Variants in SIGLEC5 observed in about 807,000 individuals in gnomAD.
The protein encoded by SIGLEC5 is sialic acid binding Ig like lectin 5.
Under a neutral mutation model 45.9 loss-of-function variants are expected in SIGLEC5, and 34 were observed. That is an observed-to-expected ratio of 0.74 (90% confidence interval 0.56 to 0.99). SIGLEC5 has a LOEUF of 0.99. Among genes scored for constraint, SIGLEC5 ranks in the 50% least tolerant of loss-of-function variants. SIGLEC5 has a pLI of 0.00. For synonymous variants in SIGLEC5, 203 were observed against 258.6 expected (o/e 0.79, Z 2.06); for missense variants, 508 against 629.6 (o/e 0.81, Z 2.07).
At chr19:51,628,695 GTGTA>G (rs1444280291) in intron 4 of SIGLEC5, among the ~76,000 whole-genome samples, 1 of 149,176 alleles carries the variant, frequency 6.7e-6, no homozygotes, top group Admixed American at 6.7e-5. Context: ...TGCCTGTGTG[GTGTA>G]TGTGTGTGTG....
At chr19:51,618,987 G>A (rs556772296) in intron 8 of SIGLEC5, among the ~76,000 whole-genome samples, 1 of 152,176 alleles carries the variant, frequency 6.6e-6, no homozygotes, top group Non-Finnish European at 1.5e-5. Flanking sequence ...CATAATGTAA[G>A]ATTTCAACAC....
At chr19:51,628,173 A>G (rs752690695) in intron 4 of SIGLEC5, 82 bp from the exon 5 acceptor site, 229 of 1,418,350 alleles carry the variant, frequency 1.6e-4, no homozygotes, top group Non-Finnish European at 2.0e-4. Context: ...CCCAGGATCC[A>G]GATGACATCT....
chr19:51,624,214 C>T (rs1260016491), intron 8 of SIGLEC5, among the ~76,000 whole-genome samples: 1 of 152,172 alleles, frequency 6.6e-6, no homozygotes, highest in Non-Finnish European at 1.5e-5. Context: ...CTTTATACAA[C>T]ATGAATGAAT....
At chr19:51,625,808 T>C (rs1331086158) in intron 8 of SIGLEC5, among the ~76,000 whole-genome samples, 2 of 152,006 alleles carry the variant, frequency 1.3e-5, no homozygotes, top group East Asian at 1.9e-4. Flanking sequence ...CCAGCCTGGG[T>C]AACAAGAGTG....
chr19:51,627,776 G>T, intron 5 of SIGLEC5, 30 bp from the exon 6 acceptor site: 1 of 1,568,584 alleles, frequency 6.4e-7, no homozygotes, highest in Non-Finnish European at 8.7e-7. Context: ...AACTCAGCAG[G>T]GGGCCTCTTC....
At chr19:51,627,399 C>G (rs1056530276) in intron 6 of SIGLEC5, 63 bp downstream of exon 6, 44 of 1,561,444 alleles carry the variant, frequency 2.8e-5, no homozygotes, top group African/African-American at 4.1e-5. Context: ...CTCCCACCAT[C>G]CATCACTCTG....
At position 51,612,291 on chromosome 19, in the gene SIGLEC5, C is replaced by T; in HGVS notation, c.1596G>A (p.Glu532=). Residue 532 remains glutamate (E), a synonymous_variant, in exon 9 of 9, where the codon GAG becomes GAA. Coordinates refer to ENST00000683636, the MANE Select transcript of SIGLEC5 (RefSeq NM_003830.4). ...TGCTTGGGGCCTCCTGGTCCTTAGGCTCCCTCGACTTCATCTCAGAAAAAC... is the reference window on the plus strand; with the variant it reads ...TGCTTGGGGCCTCCTGGTCCTTAGGTTCCCTCGACTTCATCTCAGAAAAAC... ...SLSFSEMKSR[E]PKDQEAPSTT... 1 of 1,612,826 alleles carries T rather than the reference C, an allele frequency of 6.2e-7. No individual in the cohort carries two copies. Among genetic ancestry groups the T allele is most frequent in the African/African-American group, 1.3e-5 (1 of 74,964 alleles).
Position 51,627,162 on chromosome 19 carries a change from T to G in SIGLEC5, c.1369A>C (p.Ile457Leu). The change falls in exon 7 of 9, where the codon ATC becomes CTC. Residue 457 changes from isoleucine to leucine, a missense_variant. Ile to Leu is a conservative substitution (Grantham distance 5). Transcript: ENST00000683636. ...ACCAAGACTTACATTAAAAAGAAGA[T>G]GAGGCACAGACAGATACAGAGCAGG... ...MALLCICLCL[I>L]FFLIVKARRK... is the part of the protein sequence containing the mutation. 1.2e-6 allele frequency: 2 copies of G among 1,613,594 alleles called. No individual in the cohort carries two copies. The highest frequency in any genetic ancestry group is 8.5e-7 in the Non-Finnish European group (1 of 1,179,586).
At chr19:51,628,595 G>A (rs1333225677) in intron 4 of SIGLEC5, among the ~76,000 whole-genome samples, 3 of 151,460 alleles carry the variant, frequency 2.0e-5, no homozygotes, top group Non-Finnish European at 4.4e-5. Context: ...GTGTGTGTGC[G>A]TGTGCGGGTG....
Position 51,626,042 on chromosome 19 carries a change from G to A in SIGLEC5, c.1454C>T (p.Thr485Ile), listed in dbSNP as rs769351924. 3.7e-6 allele frequency: 6 copies of A among 1,613,342 alleles called. No individual in the cohort carries two copies. The highest frequency in any genetic ancestry group is 5.1e-6 in the Non-Finnish European group (6 of 1,179,594). Residue 485 changes from threonine to isoleucine, a missense_variant, in exon 8 of 9, where the codon ACC becomes ATC. Thr to Ile is a moderately conservative substitution (Grantham distance 89). This residue lies in a region of SIGLEC5 where 431 missense variants were observed against 428.8 expected (regional missense o/e 1.01). Coordinates refer to ENST00000683636, the MANE Select transcript of SIGLEC5 (RefSeq NM_003830.4). ...KMDDEDPIMG[T>I]ITSGSRKKPW... ...CCCCAAACCACTCACCGAGGTGATGGTACCCATAATGGGGTCTTCATCATC... is the reference window on the plus strand; with the variant it reads ...CCCCAAACCACTCACCGAGGTGATGATACCCATAATGGGGTCTTCATCATC...
At chr19:51,623,018 T>C (rs757630645) in intron 8 of SIGLEC5, among the ~76,000 whole-genome samples, 17 of 152,266 alleles carry the variant, frequency 1.1e-4, no homozygotes, top group African/African-American at 1.7e-4. Context: ...CATTCATCTA[T>C]TGATGGACAC....
At position 51,626,009 on chromosome 19, in the gene SIGLEC5, GAGA is replaced by G; in HGVS notation, c.1464+20_1464+22del. The G allele has an allele frequency of 6.2e-7, 1 of 1,601,056 alleles. No homozygotes were observed. Among genetic ancestry groups the G allele is most frequent in the Non-Finnish European group, 8.6e-7 (1 of 1,168,456 alleles). On this transcript the variant is annotated intron_variant, in intron 8 of 8. Transcript: ENST00000683636. ...GGACTTTCCGAGTGGACATGCACAT[GAGA>G]AGATCCCCAAACCACTCACCGAGGT...
chr19:51,613,163 G>A (rs999118901), intron 8 of SIGLEC5, among the ~76,000 whole-genome samples: 14 of 152,196 alleles, frequency 9.2e-5, no homozygotes, highest in Non-Finnish European at 1.5e-4. Context: ...AGCTGCAAGG[G>A]AATCTGCCAG....
intron 8 of SIGLEC5, among the ~76,000 whole-genome samples, chr19:51,613,638 T>C (rs1186922434): frequency 6.6e-6 from 1 of 152,214 alleles, no homozygotes; most frequent in Non-Finnish European, 1.5e-5. Flanking sequence ...TCAGACCATA[T>C]TGAGGACTTA....
chr19:51,629,620 G>T lies in SIGLEC5; in HGVS notation c.438C>A (p.Pro146=), dbSNP rs1227390060. The T allele has an allele frequency of 7.1e-7, 1 of 1,403,376 alleles. No individual in the cohort carries two copies. Among genetic ancestry groups the T allele is most frequent in the Non-Finnish European group, 9.8e-7 (1 of 1,020,978 alleles). 86.9% of individuals were successfully genotyped at this position (1,403,376 alleles called of 1,614,324 possible). Residue 146 remains proline, a synonymous_variant, in exon 3 of 9, where the codon CCC becomes CCA. Coordinates refer to ENST00000683636, the MANE Select transcript of SIGLEC5 (RefSeq NM_003830.4). ...CCAGAGGCTCCAGAAAGTGGATGTCGGGTTTCTCTATCAGGGCTGAGGAGG... is the reference window on the plus strand; with the variant it reads ...CCAGAGGCTCCAGAAAGTGGATGTCTGGTTTCTCTATCAGGGCTGAGGAGG... ...NLEVTALIEK[P]DIHFLEPLES... is the part of the protein sequence containing the mutation.
Position 51,611,540 on chromosome 19 carries a change from T to A in SIGLEC5, c.*691A>T, listed in dbSNP as rs762992544. Among the ~76,000 whole-genome samples the A allele has an allele frequency of 1.3e-5, 2 of 152,132 alleles. No homozygotes were observed. The highest frequency in any genetic ancestry group is 2.9e-5 in the Non-Finnish European group (2 of 68,022). On this transcript the variant is annotated 3_prime_UTR_variant, in exon 9 of 9. Coordinates refer to ENST00000683636, the MANE Select transcript of SIGLEC5 (RefSeq NM_003830.4). ...CAGGGGAGATGCTTGTGATATATTG[T>A]CTAAGGCCAGGGGGCCGTGAATGGG...
chr19:51,614,070 C>T (rs1982959745), intron 8 of SIGLEC5, among the ~76,000 whole-genome samples: 1 of 152,190 alleles, frequency 6.6e-6, no homozygotes, highest in Non-Finnish European at 1.5e-5. Flanking sequence ...TCTTTCCTCT[C>T]CCACCTTCAC....
intron 8 of SIGLEC5, among the ~76,000 whole-genome samples, chr19:51,614,945 C>T (rs574313975): frequency 2.0e-5 from 3 of 152,098 alleles, no homozygotes. Flanking sequence ...TATTAATAAC[C>T]CAATTTCTAT....
At position 51,626,091 on chromosome 19, in the gene SIGLEC5, C is replaced by G; in HGVS notation, c.1405G>C (p.Ala469Pro). The G allele has an allele frequency of 2.5e-6, 4 of 1,613,906 alleles. No homozygotes were observed. Reference protein sequence around the residue: ...FLIVKARRKQAAGRPEKMDDE... With the variant: ...FLIVKARRKQPAGRPEKMDDE... ...TCCATTTTCTCTGGTCTCCCAGCTGCTTGCTTCCTGCGGGCTTTCACTCTA... is the reference window on the plus strand; with the variant it reads ...TCCATTTTCTCTGGTCTCCCAGCTGGTTGCTTCCTGCGGGCTTTCACTCTA... The change falls in exon 8 of 9, where the codon GCA (alanine) becomes CCA (proline). Residue 469 changes from alanine (A) to proline (P), a missense_variant. Physicochemically the swap from Ala to Pro is conservative, Grantham distance 27. Transcript: ENST00000683636.
Sources: gnomAD v4.1 joint callset for allele counts (sites outside exome capture counted in the v4.1 genomes callset) on GRCh38, gnomAD v4.1.1 for gene constraint, gnomAD v4.1.1 regional missense constraint, MANE v1.5 for transcripts, NCBI Gene and HGNC (gene_info 2026-07-23, HGNC 2026-07-21) for gene names.